Variants in TRPM3 observed in about 807,000 individuals in gnomAD.
The protein encoded by TRPM3 is transient receptor potential cation channel subfamily M member 3, also known as long transient receptor potential channel 3.
TRPM3 carries 77 observed loss-of-function variants against 181.2 expected under a neutral mutation model. The ratio of observed to expected loss-of-function variants is 0.42; its 90% CI spans 0.35 to 0.51. The LOEUF (loss-of-function observed/expected upper bound fraction) is 0.51, where lower values mean the gene tolerates loss of function less well. Ranked by LOEUF, TRPM3 falls within the 20% of genes least tolerant of loss-of-function variation. The pLI is 0.01. For missense variants in TRPM3, 1,759 were observed against 2,196.7 expected, an observed-to-expected ratio of 0.80 and a Z score of 3.98; for synonymous variants, 745 against 796.4, an observed-to-expected ratio of 0.94 and a Z score of 1.09.
chr9:70,536,612 C>G lies in TRPM3; in HGVS notation c.4501G>C (p.Glu1501Gln), dbSNP rs1347377409. Residue 1501 changes from glutamate (E) to glutamine (Q), a missense_variant, in exon 26 of 26, where the codon GAG becomes CAG. By Grantham distance (29) the Glu-to-Gln change is conservative. Transcript: ENST00000677713. ...LPECQNPWDS[E>Q]PPMYHTIERS... ...TCAATGGTGTGGTACATCGGAGGCT[C>G]TGAGTCCCAGGGGTTTTGGCATTCT... is the stretch of plus-strand genomic sequence containing the variant. The G allele has an allele frequency of 1.2e-6, 2 of 1,613,966 alleles. No individual in the cohort carries two copies. Among genetic ancestry groups the G allele is most frequent in the Non-Finnish European group, 1.7e-6 (2 of 1,180,026 alleles).
intron 1 of TRPM3, among the ~76,000 whole-genome samples, chr9:70,915,241 T>G (rs534393522): frequency 3.3e-5 from 5 of 152,038 alleles, no homozygotes; most frequent in African/African-American, 1.2e-4. Flanking sequence ...AACAAAGAGA[T>G]TGAAATAATT....
chr9:71,390,508 C>T (rs2093037623), intron 1 of TRPM3, among the ~76,000 whole-genome samples: 1 of 151,960 alleles, frequency 6.6e-6, no homozygotes, highest in Non-Finnish European at 1.5e-5. Flanking sequence ...AGGCAAGATT[C>T]TCCTTTCTAC....
intron 9 of TRPM3, among the ~76,000 whole-genome samples, chr9:70,662,348 T>C (rs773015508): frequency 7.9e-5 from 12 of 152,156 alleles, no homozygotes; most frequent in Non-Finnish European, 1.6e-4. Context: ...AATACTCTTC[T>C]GGACATTGGC....
intron 8 of TRPM3, among the ~76,000 whole-genome samples, chr9:70,741,182 A>G (rs748115539): frequency 6.6e-6 from 1 of 152,206 alleles, no homozygotes; most frequent in Non-Finnish European, 1.5e-5. Flanking sequence ...AAGAAGATAT[A>G]CAAATGACCA....
chr9:70,917,567 T>TCTCAC, intron 1 of TRPM3: 1 of 591,888 alleles, frequency 1.7e-6, no homozygotes, highest in Non-Finnish European at 3.1e-6. Flanking sequence ...TGTTAAGTTG[T>TCTCAC]TATATCAACT....
At chr9:70,833,467 A>G (rs1389307391) in intron 5 of TRPM3, among the ~76,000 whole-genome samples, 1 of 152,198 alleles carries the variant, frequency 6.6e-6, no homozygotes, top group Non-Finnish European at 1.5e-5. Context: ...ATTAGCATTT[A>G]TTGATCACTT....
chr9:71,291,039 T>C (rs748443725), intron 1 of TRPM3, among the ~76,000 whole-genome samples: 8 of 152,082 alleles, frequency 5.3e-5, no homozygotes, highest in Non-Finnish European at 1.0e-4. Context: ...TCCAAATATA[T>C]ACTATTAACG....
intron 8 of TRPM3, among the ~76,000 whole-genome samples, chr9:70,686,695 T>TTCCTGGAAAC (rs796100177): frequency 1.9e-4 from 11 of 57,942 alleles, no homozygotes; most frequent in East Asian, 8.4e-4. Flanking sequence ...CTTTCCTTCC[T>TTCCTGGAAAC]TCCTTCCTTC....
At chr9:70,888,827 TCAA>T (rs1190511703) in intron 1 of TRPM3, among the ~76,000 whole-genome samples, 1 of 152,166 alleles carries the variant, frequency 6.6e-6, no homozygotes, top group Non-Finnish European at 1.5e-5. Flanking sequence ...GGAGGCTGAT[TCAA>T]CAACATTTCT....
In TRPM3 at chr9:70,827,898, T is replaced by C. The variant is rs1425446689; in HGVS notation, c.922A>G (p.Lys308Glu). Reference sequence around the variant, plus strand: ...TGCTTTTCCAGTTGTCTTCGAAGTTTCACCTCTGCTCCATATTTTCCAGTG... The same window carrying C: ...TGCTTTTCCAGTTGTCTTCGAAGTTCCACCTCTGCTCCATATTTTCCAGTG... ...GTTGKYGAEV[K>E]LRRQLEKHIS... Residue 308 changes from lysine to glutamate, a missense_variant, in exon 6 of 26, where the codon AAA becomes GAA. Lys to Glu is a moderately conservative substitution (Grantham distance 56, BLOSUM62 1). Transcript: ENST00000677713. 1.9e-6 allele frequency: 3 copies of C among 1,614,060 alleles called. No homozygotes were observed. Among genetic ancestry groups the C allele is most frequent in the African/African-American group, 2.7e-5 (2 of 74,934 alleles).
intron 19 of TRPM3, among the ~76,000 whole-genome samples, chr9:70,608,420 A>T (rs1480967990): frequency 1.3e-5 from 2 of 152,200 alleles, no homozygotes; most frequent in Non-Finnish European, 2.9e-5. Context: ...GCAGGCCACA[A>T]TCACAGGCCA....
At chr9:71,101,220 TATCTCTGCTCTTGAGACATG>T (rs1425561845) in intron 1 of TRPM3, among the ~76,000 whole-genome samples, 6 of 152,164 alleles carry the variant, frequency 3.9e-5, no homozygotes, top group Admixed American at 3.9e-4. Context: ...AAACCATAAG[TATCTCTGCTCTTGAGACATG>T]ATCTCTGCTC....
intron 22 of TRPM3, among the ~76,000 whole-genome samples, chr9:70,575,537 C>G (rs1225494151): frequency 6.6e-5 from 10 of 152,110 alleles, no homozygotes; most frequent in Admixed American, 6.5e-4. Context: ...ATACATCCCA[C>G]TCTGACACTG....
chr9:70,614,311 C>A (rs2062434154), intron 18 of TRPM3, among the ~76,000 whole-genome samples: 1 of 79,402 alleles, frequency 1.3e-5, no homozygotes, highest in Non-Finnish European at 2.6e-5. Context: ...CCTGGGCAAT[C>A]TCTTAAAAAA....
chr9:70,808,806 C>T (rs1423074537), intron 6 of TRPM3, among the ~76,000 whole-genome samples: 1 of 152,182 alleles, frequency 6.6e-6, no homozygotes, highest in Non-Finnish European at 1.5e-5. Context: ...TTTGGAAGGC[C>T]TTTCCCTTGA....
intron 12 of TRPM3, among the ~76,000 whole-genome samples, chr9:70,626,770 A>T (rs1181579527): frequency 6.6e-6 from 1 of 152,062 alleles, no homozygotes; most frequent in Non-Finnish European, 1.5e-5. Context: ...ATTAATTAAA[A>T]TTTTTTTGCT....
At chr9:71,119,076 G>A (rs2073066522) in intron 1 of TRPM3, among the ~76,000 whole-genome samples, 2 of 152,258 alleles carry the variant, frequency 1.3e-5, no homozygotes, top group South Asian at 4.1e-4. Context: ...CAATACAATT[G>A]CTCATATACC....
intron 11 of TRPM3, among the ~76,000 whole-genome samples, chr9:70,637,730 C>G (rs2057439285): frequency 6.6e-6 from 1 of 152,006 alleles, no homozygotes; most frequent in African/African-American, 2.4e-5. Flanking sequence ...TCCTGCTTGC[C>G]CTCTGCGTGA....
chr9:71,146,955 T>A (rs1353164277), intron 1 of TRPM3, among the ~76,000 whole-genome samples: 1 of 152,162 alleles, frequency 6.6e-6, no homozygotes, highest in Non-Finnish European at 1.5e-5. Flanking sequence ...AACTAAGATG[T>A]GTTTGTGGCT....
Sources: allele counts gnomAD v4.1 joint callset (sites outside exome capture counted in the v4.1 genomes callset), GRCh38; gene constraint gnomAD v4.1.1; transcripts MANE v1.5; gene names NCBI Gene and HGNC (gene_info 2026-07-23, HGNC 2026-07-21).